The following HCN1 variants were observed in gnomAD, a reference collection of about 807,000 sequenced individuals.
The protein encoded by HCN1 is potassium/sodium hyperpolarization-activated cyclic nucleotide-gated channel 1.
In HCN1, 13 loss-of-function variants were observed where a neutral mutation model predicts 78.9. The observed-to-expected ratio is 0.16, with a 90% CI of 0.11 to 0.26. HCN1 has a LOEUF of 0.26. HCN1 is among the 10% of genes least tolerant of loss of function. The pLI is 1.00. For missense variants in HCN1, 810 were observed against 1,154.3 expected (o/e 0.70, Z 4.32); for synonymous variants, 552 against 455.5 (o/e 1.21, Z -2.70).
At chr5:45,333,895 T>C (rs551411915) in intron 5 of HCN1, among the ~76,000 whole-genome samples, 5 of 151,856 alleles carry the variant, frequency 3.3e-5, no homozygotes, top group African/African-American at 4.8e-5. Flanking sequence ...TGCCTGACTT[T>C]TAGATAAAAG....
At chr5:45,384,690 T>C (rs1747878646) in intron 4 of HCN1, among the ~76,000 whole-genome samples, 3 of 152,158 alleles carry the variant, frequency 2.0e-5, no homozygotes, top group Admixed American at 1.3e-4. Context: ...CCTTGGATGT[T>C]ATGGACTAAT....
chr5:45,665,092 T>C (rs1228268060), intron 1 of HCN1, among the ~76,000 whole-genome samples: 2 of 151,492 alleles, frequency 1.3e-5, no homozygotes, highest in Admixed American at 1.3e-4. Flanking sequence ...ATGTGGCACA[T>C]ATTCACCGTG....
intron 4 of HCN1, among the ~76,000 whole-genome samples, chr5:45,376,315 T>TATTCTATATAGAATA (rs1747672754): frequency 4.8e-4 from 1 of 2,064 alleles, no homozygotes; most frequent in Admixed American, 5.5e-3. Flanking sequence ...ATAAAATATG[T>TATTCTATATAGAATA]TATATTACAT....
At chr5:45,665,599 G>A (rs1746027485) in intron 1 of HCN1, among the ~76,000 whole-genome samples, 1 of 151,834 alleles carries the variant, frequency 6.6e-6, no homozygotes, top group Non-Finnish European at 1.5e-5. Context: ...TGGTACCAGA[G>A]AGATACTTGG....
chr5:45,301,264 A>G lies in HCN1; in HGVS notation c.1618+2335T>C, dbSNP rs577919329. Among the ~76,000 whole-genome samples, 21 of 151,454 alleles carry G rather than the reference A, an allele frequency of 1.4e-4. 1 individual carries two copies. In the South Asian group the frequency reaches 4.2e-3, roughly 30 times the overall value. The stretch of plus-strand genomic sequence containing the variant: ...TGTCTCTTTGGGGTAAAAAAGGGGG[A>G]TAATATAGAATATTTCATATTATAC... On this transcript the variant is annotated intron_variant, in intron 6 of 7. Coordinates refer to ENST00000303230, the MANE Select transcript of HCN1 (RefSeq NM_021072.4).
At chr5:45,460,648 C>A (rs1377520972) in intron 3 of HCN1, among the ~76,000 whole-genome samples, 1 of 151,078 alleles carries the variant, frequency 6.6e-6, no homozygotes, top group Non-Finnish European at 1.5e-5. Flanking sequence ...GAAGCGAGAT[C>A]TAGGTAAATA....
chr5:45,316,229 T>C (rs1348326337), intron 5 of HCN1, among the ~76,000 whole-genome samples: 1 of 152,178 alleles, frequency 6.6e-6, no homozygotes, highest in Non-Finnish European at 1.5e-5. Context: ...TCAAGTGGGC[T>C]TCATCCCTGG....
intron 1 of HCN1, among the ~76,000 whole-genome samples, chr5:45,684,046 A>G (rs1739756505): frequency 6.6e-6 from 1 of 152,158 alleles, no homozygotes; most frequent in Non-Finnish European, 1.5e-5. Flanking sequence ...CACTGTTTTT[A>G]GTGTCTCTAT....
At chr5:45,439,513 G>A (rs886241102) in intron 3 of HCN1, among the ~76,000 whole-genome samples, 3 of 152,004 alleles carry the variant, frequency 2.0e-5, no homozygotes, top group African/African-American at 7.2e-5. Context: ...GGGTTAAAAC[G>A]GCAAAGACTG....
intron 5 of HCN1, among the ~76,000 whole-genome samples, chr5:45,332,904 A>C (rs1746375665): frequency 6.6e-6 from 1 of 151,592 alleles, no homozygotes; most frequent in Non-Finnish European, 1.5e-5. Flanking sequence ...TGGACACTTC[A>C]GTTGTTTCCA....
chr5:45,579,942 A>G (rs1744025140), intron 2 of HCN1, among the ~76,000 whole-genome samples: 2 of 152,132 alleles, frequency 1.3e-5, no homozygotes, highest in South Asian at 4.1e-4. Flanking sequence ...TCGGATGGTC[A>G]AAGTGTCAAA....
At chr5:45,426,777 G>C (rs1656104483) in intron 3 of HCN1, among the ~76,000 whole-genome samples, 1 of 152,106 alleles carries the variant, frequency 6.6e-6, no homozygotes, top group Non-Finnish European at 1.5e-5. Flanking sequence ...GAGAATGTGT[G>C]TTTATGTATT....
At chr5:45,381,705 C>T (rs1444112248) in intron 4 of HCN1, among the ~76,000 whole-genome samples, 1 of 152,066 alleles carries the variant, frequency 6.6e-6, no homozygotes, top group Non-Finnish European at 1.5e-5. Flanking sequence ...AAATCCCAGA[C>T]CTTCCCACTC....
intron 4 of HCN1, among the ~76,000 whole-genome samples, chr5:45,361,728 T>C (rs1008256892): frequency 1.4e-4 from 21 of 152,216 alleles, no homozygotes; most frequent in Non-Finnish European, 3.1e-4. Context: ...AAATGCAGGA[T>C]TCAAAAGAAC....
At chr5:45,555,278 T>G (rs1198735560) in intron 2 of HCN1, among the ~76,000 whole-genome samples, 1 of 151,648 alleles carries the variant, frequency 6.6e-6, no homozygotes, top group Non-Finnish European at 1.5e-5. Context: ...ATAAAAAAAG[T>G]AATCCCATTT....
chr5:45,439,793 G>A (rs573953109), intron 3 of HCN1, among the ~76,000 whole-genome samples: 1 of 151,876 alleles, frequency 6.6e-6, no homozygotes, highest in East Asian at 1.9e-4. Context: ...ATAAATGCTA[G>A]TTCACAGACG....
At chr5:45,490,221 G>A (rs1268483977) in intron 2 of HCN1, among the ~76,000 whole-genome samples, 1 of 152,110 alleles carries the variant, frequency 6.6e-6, no homozygotes, top group East Asian at 1.9e-4. Context: ...AATGCCAACA[G>A]TGCAATACAG....
intron 4 of HCN1, among the ~76,000 whole-genome samples, chr5:45,381,580 G>T (rs755223010): frequency 6.6e-6 from 1 of 152,030 alleles, no homozygotes; most frequent in African/African-American, 2.4e-5. Flanking sequence ...ATCCATCAGG[G>T]CTAGGTCCGA....
chr5:45,336,549 T>C (rs1746459985), intron 5 of HCN1, among the ~76,000 whole-genome samples: 1 of 151,996 alleles, frequency 6.6e-6, no homozygotes, highest in Non-Finnish European at 1.5e-5. Context: ...CCTTGAAGTG[T>C]CTCAATATTT....
Sources: gnomAD v4.1 joint callset for allele counts (sites outside exome capture counted in the v4.1 genomes callset) on GRCh38, gnomAD v4.1.1 for gene constraint, MANE v1.5 for transcripts, NCBI Gene and HGNC (gene_info 2026-07-23, HGNC 2026-07-21) for gene names.